The following SLC15A4 variants were observed in gnomAD, a reference collection of about 807,000 sequenced individuals.
The protein encoded by SLC15A4 is hPHT1.
A neutral mutation model predicts 46.1 loss-of-function variants in SLC15A4; 26 were observed. That is an observed-to-expected ratio of 0.56 (90% CI 0.41 to 0.78). SLC15A4 has a LOEUF of 0.78. Among genes scored for constraint, SLC15A4 ranks in the 30% least tolerant of loss-of-function variants. SLC15A4 has a pLI of 0.00. For missense variants in SLC15A4, 751 were observed against 755.7 expected (o/e 0.99, Z 0.07); for synonymous variants, 370 against 333.4 (o/e 1.11, Z -1.20).
chr12:128,817,925 C>T (rs1239509620), intron 1 of SLC15A4, among the ~76,000 whole-genome samples: 1 of 152,056 alleles, frequency 6.6e-6, no homozygotes, highest in Non-Finnish European at 1.5e-5. Flanking sequence ...ACGTGCCCTA[C>T]CAAGGGTAAA....
chr12:128,801,058 A>AT, intron 5 of SLC15A4, 49 bp from the exon 6 acceptor site: 1 of 1,504,870 alleles, frequency 6.6e-7, no homozygotes, highest in Non-Finnish European at 9.0e-7. Flanking sequence ...TAACATTTAC[A>AT]GTTAATCTAA....
intron 3 of SLC15A4, chr12:128,809,730 G>A (rs546826753): frequency 6.0e-5 from 33 of 548,068 alleles, no homozygotes; most frequent in Admixed American, 1.5e-4. Context: ...AACCAGAAGC[G>A]TACCTGTTCT....
At position 128,799,342 on chromosome 12, in the gene SLC15A4, C is replaced by T. The variant is rs1566045355; in HGVS notation, c.1490G>A (p.Gly497Asp). 1 of 1,614,086 alleles carries T rather than the reference C, an allele frequency of 6.2e-7. No individual in the cohort carries two copies. Among genetic ancestry groups the T allele is most frequent in the Non-Finnish European group, 8.5e-7 (1 of 1,180,028 alleles). The change falls in exon 7 of 8, where the codon GGC (glycine) becomes GAC (aspartate). Residue 497 changes from glycine (G) to aspartate (D), a missense_variant. Coordinates refer to ENST00000266771, the MANE Select transcript of SLC15A4 (RefSeq NM_145648.4). The stretch of plus-strand genomic sequence containing the variant: ...TCCAGAACCCACGAACGACCCGACG[C>T]CAGAGAAGAAAAAGAACAAGCCCAT... Reference protein sequence around the residue: ...AIMGLFFFFSGVGSFVGSGLL... With the variant: ...AIMGLFFFFSDVGSFVGSGLL...
rs137864508 is a variant in SLC15A4, at chr12:128,799,566, C to T, written c.1415-149G>A. The stretch of plus-strand genomic sequence containing the variant: ...CACAACCTCTTTTCTATTAGGAGGA[C>T]GATGCTTACTAGCGACCAAGAATCA... On this transcript the variant is annotated intron_variant, in intron 6 of 7. Transcript: ENST00000266771. The T allele has an allele frequency of 1.6e-4, 124 of 761,488 alleles. No homozygotes were observed. In the African/African-American group the frequency reaches 1.8e-3, roughly 11 times the overall value. The allele number at this position is 761,488 out of a possible 1,614,324, so 47.2% of individuals were successfully genotyped here.
At chr12:128,823,198 G>C (rs1955874565) in intron 1 of SLC15A4, among the ~76,000 whole-genome samples, 200 bp downstream of exon 1, 2 of 152,148 alleles carry the variant, frequency 1.3e-5, no homozygotes, top group South Asian at 4.2e-4. Context: ...CCCGCCCCAG[G>C]CAAACCCCTT....
intron 3 of SLC15A4, 128 bp downstream of exon 3, chr12:128,809,815 C>A: frequency 1.1e-6 from 1 of 947,252 alleles, no homozygotes; most frequent in Admixed American, 3.1e-5. Flanking sequence ...CCAAAAATTC[C>A]AAGATTCTGT....
intron 5 of SLC15A4, among the ~76,000 whole-genome samples, chr12:128,802,460 G>A (rs1374647602): frequency 1.3e-5 from 2 of 152,106 alleles, no homozygotes; most frequent in Non-Finnish European, 2.9e-5. Flanking sequence ...CCTTGAATGG[G>A]AACAGAACCT....
At chr12:128,812,808 A>G (rs1452533998) in intron 2 of SLC15A4, among the ~76,000 whole-genome samples, 1 of 152,236 alleles carries the variant, frequency 6.6e-6, no homozygotes, top group Non-Finnish European at 1.5e-5. Context: ...TAACCTGCCC[A>G]AGGTTACAGA....
At chr12:128,812,477 G>A (rs1026411639) in intron 2 of SLC15A4, among the ~76,000 whole-genome samples, 2 of 152,040 alleles carry the variant, frequency 1.3e-5, no homozygotes, top group African/African-American at 2.4e-5. Context: ...CCGCCACCAC[G>A]CCCGGCTAAT....
At position 128,814,758 on chromosome 12, in the gene SLC15A4, G is replaced by A. The variant is rs1214353926; in HGVS notation, c.842+17C>T. ...AAAGTCCTTTCAAACAGCCCAAGATGAGAACTAAGTGCTTACCCATTACTC... is the reference window on the plus strand; with the variant it reads ...AAAGTCCTTTCAAACAGCCCAAGATAAGAACTAAGTGCTTACCCATTACTC... On this transcript the variant is annotated intron_variant, in intron 2 of 7. Coordinates refer to ENST00000266771, the MANE Select transcript of SLC15A4 (RefSeq NM_145648.4). 6.2e-7 allele frequency: 1 copy of A among 1,608,680 alleles called. No homozygotes were observed. The highest frequency in any genetic ancestry group is 8.5e-7 in the Non-Finnish European group (1 of 1,175,688).
chr12:128,796,429 C>CAAAAAAAAAAAAAAAA (rs57014966), intron 7 of SLC15A4, among the ~76,000 whole-genome samples: 9 of 33,926 alleles, frequency 2.7e-4, no homozygotes, highest in Admixed American at 5.0e-4. Context: ...AACTCCATCT[C>CAAAAAAAAAAAAAAAA]AAAAAAAAAA....
Position 128,808,861 on chromosome 12 carries a change from A to G in SLC15A4, c.1185T>C (p.His395=), listed in dbSNP as rs1593010108. 1 of 1,614,182 alleles carries G rather than the reference A, an allele frequency of 6.2e-7. No individual in the cohort carries two copies. Among genetic ancestry groups the G allele is most frequent in the Non-Finnish European group, 8.5e-7 (1 of 1,179,988 alleles). The change falls in exon 5 of 8, where the codon CAT becomes CAC. Residue 395 remains histidine (H), a synonymous_variant. Transcript: ENST00000266771. ...DKLVDPILRR[H]GLLPSSLKRI... ...TCTTCAGGGAGGATGGGAGCAGGCC[A>G]TGTCTTCTCAAAATGGGATCGACCA...
At position 128,799,328 on chromosome 12, in the gene SLC15A4, C is replaced by G; in HGVS notation, c.1504G>C (p.Val502Leu). 2 of 1,614,124 alleles carry G rather than the reference C, an allele frequency of 1.2e-6. No individual in the cohort carries two copies. The highest frequency in any genetic ancestry group is 1.7e-6 in the Non-Finnish European group (2 of 1,180,028). Residue 502 changes from valine (V) to leucine (L), a missense_variant, in exon 7 of 8, where the codon GTG becomes CTG. Physicochemically the swap from Val to Leu is conservative, Grantham distance 32 (BLOSUM62 1). Coordinates refer to ENST00000266771, the MANE Select transcript of SLC15A4 (RefSeq NM_145648.4). ...FFFFSGVGSF[V>L]GSGLLALVSI... Reference sequence around the variant, plus strand: ...ACCAGTGCCAGCAGTCCAGAACCCACGAACGACCCGACGCCAGAGAAGAAA... The same window carrying G: ...ACCAGTGCCAGCAGTCCAGAACCCAGGAACGACCCGACGCCAGAGAAGAAA...
At chr12:128,798,141 C>T (rs747827949) in intron 7 of SLC15A4, among the ~76,000 whole-genome samples, 1 of 152,228 alleles carries the variant, frequency 6.6e-6, no homozygotes, top group Non-Finnish European at 1.5e-5. Flanking sequence ...TCCTTTATGA[C>T]ACATTTAAAG....
At position 128,808,971 on chromosome 12, in the gene SLC15A4, A is replaced by G; in HGVS notation, c.1090-15T>C. On this transcript the variant is annotated splice_polypyrimidine_tract_variant and intron_variant, in intron 4 of 7. Transcript: ENST00000266771. ...GCTGCAGGGAGCTGGGGTGAAACACAGGAGGAGGCGTTTACTCCCCGCAAT... is the reference window on the plus strand; with the variant it reads ...GCTGCAGGGAGCTGGGGTGAAACACGGGAGGAGGCGTTTACTCCCCGCAAT... 6.2e-7 allele frequency: 1 copy of G among 1,608,076 alleles called. No individual in the cohort carries two copies. Among genetic ancestry groups the G allele is most frequent in the Non-Finnish European group, 8.5e-7 (1 of 1,176,512 alleles).
At position 128,799,373 on chromosome 12, in the gene SLC15A4, C is replaced by A; in HGVS notation, c.1459G>T (p.Ala487Ser). Reference sequence around the variant, plus strand: ...AAGAAAAAGAACAAGCCCATTATGGCACTCTGCATGGACTTGGGGGCAGCT... The same window carrying A: ...AAGAAAAAGAACAAGCCCATTATGGAACTCTGCATGGACTTGGGGGCAGCT... ...YSAAPKSMQS[A>S]IMGLFFFFSG... is the part of the protein sequence containing the mutation. The change falls in exon 7 of 8, where the codon GCC (alanine) becomes TCC (serine). Residue 487 changes from alanine to serine, a missense_variant. Coordinates refer to ENST00000266771, the MANE Select transcript of SLC15A4 (RefSeq NM_145648.4). 1 of 1,614,210 alleles carries A rather than the reference C, an allele frequency of 6.2e-7. No individual in the cohort carries two copies. Among genetic ancestry groups the A allele is most frequent in the Non-Finnish European group, 8.5e-7 (1 of 1,180,044 alleles).
chr12:128,817,962 G>C (rs1322587173), intron 1 of SLC15A4, among the ~76,000 whole-genome samples: 1 of 151,690 alleles, frequency 6.6e-6, no homozygotes, highest in Non-Finnish European at 1.5e-5. Flanking sequence ...CTGGCCAAAA[G>C]ATACCACCAA....
At chr12:128,822,899 A>G (rs1201987500) in intron 1 of SLC15A4, among the ~76,000 whole-genome samples, 2 of 151,918 alleles carry the variant, frequency 1.3e-5, no homozygotes, top group African/African-American at 2.4e-5. Flanking sequence ...CCCAAGCTAG[A>G]GTGCACTGGT....
intron 5 of SLC15A4, among the ~76,000 whole-genome samples, chr12:128,807,769 T>C (rs1172378159): frequency 6.6e-6 from 1 of 152,232 alleles, no homozygotes; most frequent in Non-Finnish European, 1.5e-5. Flanking sequence ...AAAAACTTCA[T>C]TCAGACACGA....
Sources: allele counts gnomAD v4.1 joint callset (sites outside exome capture counted in the v4.1 genomes callset), GRCh38; gene constraint gnomAD v4.1.1; transcripts MANE v1.5; gene names NCBI Gene and HGNC (gene_info 2026-07-23, HGNC 2026-07-21).